Variants in ERAP2 observed in about 807,000 individuals in gnomAD.
The protein encoded by ERAP2 is leukocyte-derived arginine aminopeptidase.
In ERAP2, 118 loss-of-function variants were observed where a neutral mutation model predicts 111.1. The observed-to-expected ratio is 1.06, with a 90% CI of 0.92 to 1.24. ERAP2 has a LOEUF of 1.24. Ranked by LOEUF, ERAP2 falls within the 50% of genes most tolerant of loss-of-function variation. ERAP2 has a pLI of 0.00. For synonymous variants in ERAP2, 410 were observed against 401.2 expected, an observed-to-expected ratio of 1.02 and a Z score of -0.26; for missense variants, 1,131 against 1,125.8, an observed-to-expected ratio of 1.00 and a Z score of -0.07.
intron 4 of ERAP2, among the ~76,000 whole-genome samples, chr5:96,887,582 G>A (rs1386936977): frequency 6.6e-6 from 1 of 152,106 alleles, no homozygotes; most frequent in Non-Finnish European, 1.5e-5. Flanking sequence ...TTACAGGCGT[G>A]AGCCACCGTG....
intron 5 of ERAP2, among the ~76,000 whole-genome samples, chr5:96,891,064 C>T (rs1055352144): frequency 1.3e-5 from 2 of 152,108 alleles, no homozygotes; most frequent in African/African-American, 2.4e-5. Flanking sequence ...GAAGTGCTAA[C>T]GAATACTAAT....
At chr5:96,895,595 TA>T (rs1346721650) in intron 7 of ERAP2, among the ~76,000 whole-genome samples, 3 of 152,186 alleles carry the variant, frequency 2.0e-5, no homozygotes, top group African/African-American at 7.2e-5. Flanking sequence ...GGCAAACTAA[TA>T]CAAATGTAGA....
chr5:96,912,106 T>C (rs6873866), intron 15 of ERAP2, among the ~76,000 whole-genome samples: 90,537 of 145,704 alleles, frequency 0.62, 28,215 homozygotes, highest in South Asian at 0.73. Flanking sequence ...AGGAGAATGG[T>C]GTGAACCCCG....
At position 96,880,271 on chromosome 5, in the gene ERAP2, G is replaced by T. The variant is rs372960918; in HGVS notation, c.575+11G>T. 22 of 1,595,768 alleles carry T rather than the reference G, an allele frequency of 1.4e-5. No homozygotes were observed. The African/African-American group carries it at 2.4e-4, about 18-fold the overall frequency. On this transcript the variant is annotated intron_variant, in intron 2 of 18. Coordinates refer to ENST00000437043, the MANE Select transcript of ERAP2 (RefSeq NM_022350.5). ...TGGTGGTGAAACAAGGTAAGAACTT[G>T]CTCAGGTAATTTACATTCTTTTGTG... is the stretch of plus-strand genomic sequence containing the variant.
chr5:96,917,667 G>A lies in ERAP2; in HGVS notation c.*62G>A, dbSNP rs536939757. The A allele has an allele frequency of 1.7e-4, 246 of 1,410,722 alleles. 1 individual carries two copies. In the Admixed American group the frequency reaches 4.5e-3, roughly 26 times the overall value. 87.4% of individuals were successfully genotyped at this position (1,410,722 alleles called of 1,614,324 possible). A position where few individuals can be genotyped will look rare whatever the true frequency, so the allele number is the denominator to read the frequency against. On this transcript the variant is annotated 3_prime_UTR_variant, in exon 19 of 19. Transcript: ENST00000437043. ...CACGCCTGTAATCCCAGCACTTTGG[G>A]AGGCTGAGAAGGGCGGATCACGAGG...
intron 12 of ERAP2, chr5:96,902,859 G>C (rs541199933): frequency 6.4e-6 from 1 of 155,268 alleles, no homozygotes; most frequent in African/African-American, 2.4e-5. Flanking sequence ...TTACCCTCTA[G>C]TATAATATAT....
In ERAP2 at chr5:96,889,420, C is replaced by G. The variant is rs553936356; in HGVS notation, c.970+115C>G. 4 of 1,195,202 alleles carry G rather than the reference C, an allele frequency of 3.3e-6. No homozygotes were observed. The African/African-American group carries it at 6.0e-5, about 18-fold the overall frequency. 74.0% of individuals were successfully genotyped at this position (1,195,202 alleles called of 1,614,324 possible). ...TGAGCACTGAGGAATTCAGTTAGCT[C>G]AGGAAAAAATAATTTGTTCCTCAGA... On this transcript the variant is annotated intron_variant, in intron 5 of 18. Coordinates refer to ENST00000437043, the MANE Select transcript of ERAP2 (RefSeq NM_022350.5).
intron 15 of ERAP2, among the ~76,000 whole-genome samples, chr5:96,912,425 C>T (rs2112384989): frequency 6.6e-6 from 1 of 152,182 alleles, no homozygotes; most frequent in South Asian, 2.1e-4. Context: ...TTCTTGCTAA[C>T]ATTTTATCAT....
intron 9 of ERAP2, among the ~76,000 whole-genome samples, chr5:96,898,240 AAGTT>A (rs1785063342): frequency 1.3e-5 from 2 of 152,038 alleles, no homozygotes; most frequent in African/African-American, 4.8e-5. Context: ...TAAAAAATCA[AAGTT>A]AAAGAATAAA....
Position 96,879,258 on chromosome 5 carries a change from A to G in ERAP2, c.-122-306A>G, listed in dbSNP as rs1378688181. On this transcript the variant is annotated intron_variant, in intron 1 of 18. Transcript: ENST00000437043. ...TAAATAAACAAAAATTTAAAATATA[A>G]CCAAATGTTAAAAACATTCAACATG... Among the ~76,000 whole-genome samples, 4 of 152,182 alleles carry G rather than the reference A, an allele frequency of 2.6e-5. No individual in the cohort carries two copies. The East Asian group carries it at 7.7e-4, about 29-fold the overall frequency.
In ERAP2 at chr5:96,909,055, T is replaced by C. The variant is rs779699425; in HGVS notation, c.2107T>C (p.Leu703=). The C allele has an allele frequency of 9.3e-6, 15 of 1,614,204 alleles. No individual in the cohort carries two copies. In the Middle Eastern group the frequency reaches 4.9e-4, roughly 53 times the overall value. Residue 703 remains leucine, a synonymous_variant, in exon 14 of 19, where the codon TTG becomes CTG. Transcript: ENST00000437043. ...SPALLEGLSY[L]ESFYHMMDRR... is the part of the protein sequence containing the mutation. ...CGCACTTCTCGAAGGTCTGAGTTAC[T>C]TGGAATCGTTTTACCACATGATGGA...
chr5:96,899,760 A>G (rs1785254581), intron 9 of ERAP2, among the ~76,000 whole-genome samples: 1 of 152,216 alleles, frequency 6.6e-6, no homozygotes, highest in Non-Finnish European at 1.5e-5. Context: ...CCTACATGCT[A>G]AATAGGGGCA....
chr5:96,909,727 C>T lies in ERAP2; in HGVS notation c.2317C>T (p.Leu773Phe). The change falls in exon 15 of 19, where the codon CTC becomes TTC. Residue 773 changes from leucine (L) to phenylalanine (F), a missense_variant. Leu to Phe is a conservative substitution (Grantham distance 22). Around this residue, in one of 3 missense-constraint regions of ERAP2, gnomAD observed 279 missense variants for 250.9 expected, o/e 1.11. Coordinates refer to ENST00000437043, the MANE Select transcript of ERAP2 (RefSeq NM_022350.5). Reference sequence around the variant, plus strand: ...TCCTTGCATCCAGAAAGCTGCTGAACTCTTCTCCCAGTGGATGGAATCCAG... The same window carrying T: ...TCCTTGCATCCAGAAAGCTGCTGAATTCTTCTCCCAGTGGATGGAATCCAG... ...HAPCIQKAAE[L>F]FSQWMESSGK... The T allele has an allele frequency of 1.2e-6, 2 of 1,614,182 alleles. No homozygotes were observed. Among genetic ancestry groups the T allele is most frequent in the South Asian group, 2.2e-5 (2 of 91,086 alleles).
At chr5:96,880,402 C>T (rs1038544413) in intron 2 of ERAP2, 142 bp downstream of exon 2, 1 of 781,788 alleles carries the variant, frequency 1.3e-6, no homozygotes, top group African/African-American at 1.8e-5. Context: ...AAAGATCTAC[C>T]ATTCCTTAAG....
intron 9 of ERAP2, 32 bp downstream of exon 9, chr5:96,896,895 T>A: frequency 6.5e-7 from 1 of 1,535,284 alleles, no homozygotes; most frequent in South Asian, 1.3e-5. Flanking sequence ...GATAGACTGT[T>A]ATTTAATCTA....
intron 13 of ERAP2, 98 bp downstream of exon 13, chr5:96,903,658 A>G (rs1785728958): frequency 1.7e-6 from 2 of 1,152,474 alleles, no homozygotes; most frequent in Non-Finnish European, 2.4e-6. Context: ...TCATTGATTT[A>G]ATATGGATTT....
At chr5:96,887,110 C>T (rs201547232) in intron 4 of ERAP2, among the ~76,000 whole-genome samples, 80,448 of 145,880 alleles carry the variant, frequency 0.55, 22,302 homozygotes, top group Admixed American at 0.6. Flanking sequence ...TACACACACA[C>T]ACACACACAC....
chr5:96,915,859 C>A, intron 18 of ERAP2, 90 bp downstream of exon 18: 1 of 1,153,902 alleles, frequency 8.7e-7, no homozygotes, highest in East Asian at 2.6e-5. Context: ...ATTTGAAGTT[C>A]TCATTTTAGT....
intron 2 of ERAP2, among the ~76,000 whole-genome samples, chr5:96,880,628 T>C (rs1370031403): frequency 1.3e-5 from 2 of 152,140 alleles, no homozygotes; most frequent in Non-Finnish European, 2.9e-5. Flanking sequence ...GAGACTGGGA[T>C]TGGGAGAGAG....
Sources: gnomAD v4.1 joint callset for allele counts (sites outside exome capture counted in the v4.1 genomes callset) on GRCh38, gnomAD v4.1.1 for gene constraint, gnomAD v4.1.1 regional missense constraint, MANE v1.5 for transcripts, NCBI Gene and HGNC (gene_info 2026-07-23, HGNC 2026-07-21) for gene names.